Variants in SMIM14 observed in about 807,000 individuals in gnomAD.
SMIM14 encodes chromosome 4 open reading frame 34.
Under a neutral mutation model 12.6 loss-of-function variants are expected in SMIM14, and 5 were observed. That is an observed-to-expected ratio of 0.40 (90% confidence interval 0.21 to 0.83). The LOEUF is 0.83. Ranked by LOEUF, SMIM14 falls within the 40% of genes least tolerant of loss-of-function variation. The pLI is 0.37. For synonymous variants in SMIM14, 30 were observed against 40.1 expected, an observed-to-expected ratio of 0.75 and a Z score of 0.95; for missense variants, 86 against 119.1, an observed-to-expected ratio of 0.72 and a Z score of 1.29.
In SMIM14 at chr4:39,550,080, CAG is replaced by C. The variant is rs1412420191; in HGVS notation, c.*2044_*2045del. Reference sequence around the variant, plus strand: ...TACCTTATGAGTATCACAATTGTATCAGAGACTATTAAACAGTACAATGATAC... The same window carrying C: ...TACCTTATGAGTATCACAATTGTATCAGACTATTAAACAGTACAATGATAC... On this transcript the variant is annotated 3_prime_UTR_variant, in exon 5 of 5. Coordinates refer to ENST00000295958, the MANE Select transcript of SMIM14 (RefSeq NM_174921.3). 6.6e-6 allele frequency: 1 copy of C among 151,986 alleles called. No homozygotes were observed. Among genetic ancestry groups the C allele is most frequent in the Non-Finnish European group, 1.5e-5 (1 of 68,018 alleles). The allele number at this position is 151,986 out of a possible 1,614,324, so 9.4% of individuals were successfully genotyped here.
chr4:39,599,771 A>G (rs577326340), intron 2 of SMIM14, among the ~76,000 whole-genome samples: 4 of 152,060 alleles, frequency 2.6e-5, no homozygotes, highest in Non-Finnish European at 5.9e-5. Flanking sequence ...AAATTACAAA[A>G]ATTAGCTGGG....
intron 2 of SMIM14, among the ~76,000 whole-genome samples, chr4:39,600,183 C>A (rs370031188): frequency 5.6e-4 from 85 of 152,134 alleles, no homozygotes; most frequent in African/African-American, 2.0e-3. Context: ...TGACAACTTA[C>A]CCTCCCTTTT....
At chr4:39,584,793 C>CAAAAAA (rs34970724) in intron 2 of SMIM14, among the ~76,000 whole-genome samples, 22 of 76,224 alleles carry the variant, frequency 2.9e-4, no homozygotes, top group African/African-American at 7.8e-4. Context: ...AGGACCTTGT[C>CAAAAAA]AAAAAAAAAA....
At chr4:39,572,703 T>G (rs1036312406) in intron 2 of SMIM14, among the ~76,000 whole-genome samples, 1 of 151,978 alleles carries the variant, frequency 6.6e-6, no homozygotes, top group Non-Finnish European at 1.5e-5. Context: ...GTGCCTGTAG[T>G]CTCAGCTATT....
At chr4:39,635,472 G>A (rs948018884) in intron 1 of SMIM14, among the ~76,000 whole-genome samples, 2 of 152,170 alleles carry the variant, frequency 1.3e-5, no homozygotes, top group Admixed American at 6.5e-5. Context: ...AAAAGCCAAA[G>A]TGGAAGCAGG....
At chr4:39,572,367 T>C (rs1242469981) in intron 3 of SMIM14, 48 bp downstream of exon 3, 5 of 1,212,150 alleles carry the variant, frequency 4.1e-6, no homozygotes, top group Non-Finnish European at 4.5e-6. Flanking sequence ...ATCTGGCCTC[T>C]AATTCTGCCC....
At chr4:39,590,519 C>T (rs764199148) in intron 2 of SMIM14, among the ~76,000 whole-genome samples, 4 of 149,990 alleles carry the variant, frequency 2.7e-5, no homozygotes, top group East Asian at 2.0e-4. Flanking sequence ...CCATAGTTAT[C>T]GGCTGGGCGT....
intron 2 of SMIM14, chr4:39,593,759 CA>C (rs1314811575): frequency 6.6e-6 from 1 of 152,000 alleles, no homozygotes; most frequent in Non-Finnish European, 1.5e-5. Context: ...ACACCAATAA[CA>C]GACAAACAGA....
chr4:39,607,490 C>G (rs1374273318), intron 1 of SMIM14, among the ~76,000 whole-genome samples: 1 of 152,152 alleles, frequency 6.6e-6, no homozygotes, highest in African/African-American at 2.4e-5. Context: ...CATGGTGGCT[C>G]ACACCTGTAA....
chr4:39,560,770 G>C (rs1712269445), intron 3 of SMIM14, among the ~76,000 whole-genome samples: 1 of 151,890 alleles, frequency 6.6e-6, no homozygotes, highest in Non-Finnish European at 1.5e-5. Flanking sequence ...TACCAAACTG[G>C]ATCTCTGTTC....
Position 39,634,696 on chromosome 4 carries a change from A to G in SMIM14, c.-36+4043T>C, listed in dbSNP as rs551043760. On this transcript the variant is annotated intron_variant, in intron 1 of 4. Transcript: ENST00000295958. ...AAAATCACCTGACAGATTTATTGAA[A>G]ATACAGATTCTAAGAACCCATTTCT... 6.6e-5 allele frequency among the ~76,000 whole-genome samples: 10 copies of G among 152,352 alleles called. No individual in the cohort carries two copies. The South Asian group carries it at 2.1e-3, about 32-fold the overall frequency.
chr4:39,605,735 T>C (rs1022668719), intron 1 of SMIM14, among the ~76,000 whole-genome samples: 3 of 152,160 alleles, frequency 2.0e-5, no homozygotes, highest in Middle Eastern at 3.2e-3. Flanking sequence ...ACAATTGTTT[T>C]TTGCTGTTGT....
At chr4:39,591,191 AT>A (rs1714060958) in intron 2 of SMIM14, among the ~76,000 whole-genome samples, 1 of 152,068 alleles carries the variant, frequency 6.6e-6, no homozygotes, top group Non-Finnish European at 1.5e-5. Flanking sequence ...CTATTGTTTT[AT>A]TATTTGTATT....
At chr4:39,599,933 C>CAAAAAAAAAA (rs56285045) in intron 2 of SMIM14, among the ~76,000 whole-genome samples, 4 of 115,074 alleles carry the variant, frequency 3.5e-5, no homozygotes, top group African/African-American at 3.8e-5. Flanking sequence ...AAAACAACAA[C>CAAAAAAAAAA]AAAAAAAAAA....
intron 4 of SMIM14, among the ~76,000 whole-genome samples, chr4:39,555,255 CAT>C (rs1491389100): frequency 2.0e-5 from 3 of 147,824 alleles, no homozygotes; most frequent in Non-Finnish European, 4.5e-5. Flanking sequence ...TTTTTTGAGA[CAT>C]AGTCTCACTC....
chr4:39,618,948 A>G (rs147908661), intron 1 of SMIM14, among the ~76,000 whole-genome samples: 212 of 152,024 alleles, frequency 1.4e-3, no homozygotes, highest in African/African-American at 4.9e-3. Flanking sequence ...GGCAGCAGGG[A>G]TGCATATACA....
At chr4:39,637,621 A>G (rs1716147282) in intron 1 of SMIM14, among the ~76,000 whole-genome samples, 1 of 152,040 alleles carries the variant, frequency 6.6e-6, no homozygotes, top group African/African-American at 2.4e-5. Context: ...AAGTTAGGAC[A>G]AAAAGGTTTG....
At chr4:39,614,230 T>C (rs1249048913) in intron 1 of SMIM14, among the ~76,000 whole-genome samples, 1 of 145,484 alleles carries the variant, frequency 6.9e-6, no homozygotes, top group Admixed American at 6.9e-5. Flanking sequence ...CGAGGAGCAG[T>C]AAGGGAAGCA....
intron 1 of SMIM14, among the ~76,000 whole-genome samples, chr4:39,618,665 C>CAAAAAAAAAAAAAAAAAAAAAAA (rs1334213228): frequency 1.8e-5 from 2 of 112,700 alleles, no homozygotes. Context: ...AAAAAAAAAA[C>CAAAAAAAAAAAAAAAAAAAAAAA]AAAAAAAAAA....
Sources: allele counts gnomAD v4.1 joint callset (sites outside exome capture counted in the v4.1 genomes callset), GRCh38; gene constraint gnomAD v4.1.1; transcripts MANE v1.5; gene names NCBI Gene and HGNC (gene_info 2026-07-23, HGNC 2026-07-21).